Variants in SLC17A1 observed in about 807,000 individuals in gnomAD.
SLC17A1 encodes the protein solute carrier family 17 member 1, also known as sodium-dependent phosphate transport protein 1.
SLC17A1 carries 51 observed loss-of-function variants against 53.5 expected under a neutral mutation model. The observed-to-expected ratio is 0.95, with a 90% confidence interval of 0.76 to 1.20. The LOEUF is 1.20. SLC17A1 is among the 50% of genes most tolerant of loss of function. The probability of loss-of-function intolerance (pLI) is 0.00; values close to 1 mark genes in which losing one functional copy is unlikely to be tolerated. For synonymous variants in SLC17A1, 179 were observed against 198.8 expected (o/e 0.90, Z 0.84); for missense variants, 538 against 568.2 (o/e 0.95, Z 0.54).
chr6:25,817,972 CAT>C (rs1202809830), intron 6 of SLC17A1, among the ~76,000 whole-genome samples: 2 of 152,144 alleles, frequency 1.3e-5, no homozygotes, highest in African/African-American at 4.8e-5. Flanking sequence ...GGATGGAAGA[CAT>C]GTTTTCAGAT....
At position 25,819,912 on chromosome 6, in the gene SLC17A1, G is replaced by C. The variant is rs569587887; in HGVS notation, c.211C>G (p.Pro71Ala). The C allele has an allele frequency of 1.3e-6, 2 of 1,594,058 alleles. No individual in the cohort carries two copies. Among genetic ancestry groups the C allele is most frequent in the East Asian group, 2.2e-5 (1 of 44,704 alleles). The stretch of plus-strand genomic sequence containing the variant: ...ATATCTGGGCTCCAATTATACATAG[G>C]GTTCTAAAAGACAAGGGGGGACATG... ...TKKLLDNIKN[P>A]MYNWSPDIQG... The change falls in exon 4 of 13, where the codon CCT becomes GCT. Residue 71 changes from proline to alanine, a missense_variant. Pro to Ala is a conservative substitution (Grantham distance 27, BLOSUM62 -1). Coordinates refer to ENST00000244527, the MANE Select transcript of SLC17A1 (RefSeq NM_005074.5).
chr6:25,760,240 A>G, the SLC17A1 span, among the ~76,000 whole-genome samples: 1 of 152,220 alleles, frequency 6.6e-6, no homozygotes, highest in Non-Finnish European at 1.5e-5. Context: ...ATATTCATAT[A>G]TTATTCCAAT....
At chr6:25,727,932 G>T in the SLC17A1 span, among the ~76,000 whole-genome samples, 1 of 151,944 alleles carries the variant, frequency 6.6e-6, no homozygotes, top group Non-Finnish European at 1.5e-5. Context: ...CAAGAGAATC[G>T]CTTGAACCCA....
the SLC17A1 span, among the ~76,000 whole-genome samples, chr6:25,733,970 A>G: frequency 6.6e-6 from 1 of 151,902 alleles, no homozygotes; most frequent in Non-Finnish European, 1.5e-5. Flanking sequence ...ACGTGCCACT[A>G]TACCTGGCTA....
chr6:25,778,570 C>T (rs945672732), downstream of SLC17A1, among the ~76,000 whole-genome samples: 5 of 152,188 alleles, frequency 3.3e-5, no homozygotes, highest in East Asian at 3.9e-4. Context: ...GTATGTGCTA[C>T]GTGCTATTTA....
intron 6 of SLC17A1, among the ~76,000 whole-genome samples, chr6:25,818,062 C>T (rs1764422915): frequency 6.6e-6 from 1 of 152,178 alleles, no homozygotes; most frequent in African/African-American, 2.4e-5. Flanking sequence ...CATCCTTCTT[C>T]ACCTTACTTT....
chr6:25,794,484 G>A (rs900794554), intron 12 of SLC17A1, among the ~76,000 whole-genome samples: 4 of 152,104 alleles, frequency 2.6e-5, no homozygotes, highest in African/African-American at 7.2e-5. Flanking sequence ...ACTACCACAA[G>A]CACAATGCAT....
At position 25,810,568 on chromosome 6, in the gene SLC17A1, T is replaced by C. The variant is rs373229799; in HGVS notation, c.1178+830A>G. 2.0e-5 allele frequency among the ~76,000 whole-genome samples: 3 copies of C among 152,012 alleles called. No homozygotes were observed. In the East Asian group the frequency reaches 5.8e-4, roughly 29 times the overall value. On this transcript the variant is annotated intron_variant, in intron 10 of 12. Coordinates refer to ENST00000244527, the MANE Select transcript of SLC17A1 (RefSeq NM_005074.5). ...CCACAATGAGATATCCCCCTACACCTGTTAGAGTGTCTGTTATCAAAAATA... is the reference window on the plus strand; with the variant it reads ...CCACAATGAGATATCCCCCTACACCCGTTAGAGTGTCTGTTATCAAAAATA...
At chr6:25,776,616 C>A in the SLC17A1 span, 1 of 1,610,148 alleles carries the variant, frequency 6.2e-7, no homozygotes, top group Non-Finnish European at 8.5e-7. Context: ...GTCTGCCTTG[C>A]CGTTTGTTGT....
At chr6:25,769,494 G>T in the SLC17A1 span, among the ~76,000 whole-genome samples, 1 of 151,728 alleles carries the variant, frequency 6.6e-6, no homozygotes, top group Non-Finnish European at 1.5e-5. Context: ...GGAGGCAGAA[G>T]TTGCAGTGAG....
At chr6:25,830,840 C>T (rs1459787619) in intron 1 of SLC17A1, among the ~76,000 whole-genome samples, 1 of 152,120 alleles carries the variant, frequency 6.6e-6, no homozygotes, top group African/African-American at 2.4e-5. Context: ...AAACAAATAA[C>T]CCTGCCAATC....
the SLC17A1 span, among the ~76,000 whole-genome samples, chr6:25,748,596 A>G: frequency 6.6e-6 from 1 of 152,222 alleles, no homozygotes; most frequent in South Asian, 2.1e-4. Context: ...CAGTGGGCTC[A>G]GGAGACCGGC....
At chr6:25,824,426 AAG>A (rs1189838165) in intron 3 of SLC17A1, among the ~76,000 whole-genome samples, 2 of 151,888 alleles carry the variant, frequency 1.3e-5, no homozygotes, top group Non-Finnish European at 2.9e-5. Flanking sequence ...AAATTTAAAA[AAG>A]AATAAATGAA....
At chr6:25,793,713 G>C (rs73383224) in intron 12 of SLC17A1, among the ~76,000 whole-genome samples, 1 of 151,832 alleles carries the variant, frequency 6.6e-6, no homozygotes, top group Non-Finnish European at 1.5e-5. Context: ...CTTAATCCAG[G>C]GTCTGTGAAT....
chr6:25,728,306 A>G, the SLC17A1 span, among the ~76,000 whole-genome samples: 1 of 152,166 alleles, frequency 6.6e-6, no homozygotes, highest in Non-Finnish European at 1.5e-5. Flanking sequence ...TCTTAAATTT[A>G]TAATAGTTTC....
At chr6:25,737,777 A>G in the SLC17A1 span, among the ~76,000 whole-genome samples, 4 of 152,304 alleles carry the variant, frequency 2.6e-5, no homozygotes, top group Middle Eastern at 0.014. Flanking sequence ...AATTCCTTCA[A>G]AAGAGTCTTC....
the SLC17A1 span, among the ~76,000 whole-genome samples, chr6:25,748,693 G>C: frequency 6.6e-6 from 1 of 152,168 alleles, no homozygotes; most frequent in Non-Finnish European, 1.5e-5. Flanking sequence ...CTCAGCAAGA[G>C]GAATGTGGTA....
At chr6:25,821,267 C>T (rs1037492501) in intron 3 of SLC17A1, among the ~76,000 whole-genome samples, 1 of 152,152 alleles carries the variant, frequency 6.6e-6, no homozygotes, top group African/African-American at 2.4e-5. Context: ...AAGTCACTGT[C>T]ACCCTATAGC....
the SLC17A1 span, chr6:25,776,752 G>T: frequency 6.2e-7 from 1 of 1,613,942 alleles, no homozygotes; most frequent in Non-Finnish European, 8.5e-7. Flanking sequence ...GGACACAGGG[G>T]TGAACGTGGG....
Sources: allele counts gnomAD v4.1 joint callset (sites outside exome capture counted in the v4.1 genomes callset), GRCh38; gene constraint gnomAD v4.1.1; transcripts MANE v1.5; gene names NCBI Gene and HGNC (gene_info 2026-07-23, HGNC 2026-07-21).